Variants in MEAF6 observed in about 807,000 individuals in gnomAD.
MEAF6 encodes chromatin modification-related protein MEAF6.
Under a neutral mutation model 28.9 loss-of-function variants are expected in MEAF6, and 15 were observed. That is an observed-to-expected ratio of 0.52 (90% CI 0.35 to 0.80). MEAF6 has a LOEUF of 0.80. MEAF6 is among the 30% of genes least tolerant of loss of function. MEAF6 has a pLI of 0.01. For synonymous variants in MEAF6, 97 were observed against 88.7 expected (o/e 1.09, Z -0.53); for missense variants, 178 against 237.5 (o/e 0.75, Z 1.65).
At position 37,492,914 on chromosome 1, in the gene MEAF6, C is replaced by G. The variant is rs549206961; in HGVS notation, c.*1185G>C. The G allele has an allele frequency of 2.6e-4, 39 of 152,288 alleles. No individual in the cohort carries two copies. Among genetic ancestry groups the G allele is most frequent in the African/African-American group, 8.7e-4 (36 of 41,574 alleles). The allele number at this position is 152,288 out of a possible 1,614,324, so 9.4% of individuals were successfully genotyped here. ...AATTCCCAATAACTAGGCTGTACCCCAGTCTCTAGGGATGGGATCCAGGCA... is the reference window on the plus strand; with the variant it reads ...AATTCCCAATAACTAGGCTGTACCCGAGTCTCTAGGGATGGGATCCAGGCA... On this transcript the variant is annotated 3_prime_UTR_variant, in exon 7 of 7. Coordinates refer to ENST00000296214, the MANE Select transcript of MEAF6 (RefSeq NM_001270875.3).
chr1:37,495,700 A>C (rs1320850928), intron 6 of MEAF6, among the ~76,000 whole-genome samples, 185 bp downstream of exon 6: 83 of 116,106 alleles, frequency 7.1e-4, no homozygotes, highest in Admixed American at 4.8e-3. Flanking sequence ...AAAAAAACAA[A>C]AAACAAAAAA....
At position 37,509,475 on chromosome 1, in the gene MEAF6, A is replaced by T. The variant is rs1205187979; in HGVS notation, c.274T>A (p.Ser92Thr). The change falls in exon 3 of 7, where the codon TCC becomes ACC. Residue 92 changes from serine (S) to threonine (T), a missense_variant. Ser to Thr is a moderately conservative substitution (Grantham distance 58). Transcript: ENST00000296214. ...CTTACAGCTGCTGAGGTAACCGAGG[A>T]TTTACTGAAGAGCCGCTCAGCTTCC... ...FKEAERLFSK[S>T]SVTSAAAVSA... The T allele has an allele frequency of 1.2e-6, 2 of 1,613,926 alleles. No individual in the cohort carries two copies. Among genetic ancestry groups the T allele is most frequent in the African/African-American group, 2.7e-5 (2 of 74,908 alleles).
intron 4 of MEAF6, among the ~76,000 whole-genome samples, chr1:37,505,925 A>G (rs1261710485): frequency 2.0e-5 from 3 of 152,244 alleles, no homozygotes; most frequent in African/African-American, 7.2e-5. Context: ...CAACATACAC[A>G]AAAATTAACT....
Position 37,490,126 on chromosome 1 carries a change from A to G in MEAF6, c.*3973T>C, listed in dbSNP as rs1000715630. ...AATAAGGCTGAGCCTCAAAATGAAT[A>G]TAAATCAAAGGCCTAATCTTTTCTT... is the stretch of plus-strand genomic sequence containing the variant. On this transcript the variant is annotated 3_prime_UTR_variant, in exon 7 of 7. Coordinates refer to ENST00000296214, the MANE Select transcript of MEAF6 (RefSeq NM_001270875.3). Among the ~76,000 whole-genome samples, 2 of 152,100 alleles carry G rather than the reference A, an allele frequency of 1.3e-5. No homozygotes were observed. The highest frequency in any genetic ancestry group is 2.9e-5 in the Non-Finnish European group (2 of 68,032).
In MEAF6 at chr1:37,489,997, G is replaced by A. The variant is rs1443613278; in HGVS notation, c.*4102C>T. 6.6e-6 allele frequency among the ~76,000 whole-genome samples: 1 copy of A among 152,004 alleles called. No homozygotes were observed. Among genetic ancestry groups the A allele is most frequent in the African/African-American group, 2.4e-5 (1 of 41,352 alleles). On this transcript the variant is annotated 3_prime_UTR_variant, in exon 7 of 7. Coordinates refer to ENST00000296214, the MANE Select transcript of MEAF6 (RefSeq NM_001270875.3). ...AAAACAATTATCAGCAGTTTATTGTGGTTCAACCTTTTATTTATAAATTAA... is the reference window on the plus strand; with the variant it reads ...AAAACAATTATCAGCAGTTTATTGTAGTTCAACCTTTTATTTATAAATTAA...
chr1:37,510,730 A>G (rs916454745), intron 2 of MEAF6, among the ~76,000 whole-genome samples: 2 of 150,968 alleles, frequency 1.3e-5, no homozygotes, highest in African/African-American at 2.4e-5. Context: ...ACTTATTTAT[A>G]TATTTTTTTG....
chr1:37,509,391 G>A, intron 3 of MEAF6, 64 bp downstream of exon 3: 3 of 1,607,310 alleles, frequency 1.9e-6, no homozygotes, highest in Non-Finnish European at 2.6e-6. Context: ...CCAGAGGAAG[G>A]TAAAGAAAAA....
At chr1:37,496,630 G>A (rs867483742) in intron 5 of MEAF6, 4 of 1,548,860 alleles carry the variant, frequency 2.6e-6, no homozygotes, top group African/African-American at 2.8e-5. Context: ...TAAACTATGG[G>A]TTAGAAAGGT....
At chr1:37,514,590 G>A in intron 1 of MEAF6, 67 bp downstream of exon 1, 4 of 1,314,594 alleles carry the variant, frequency 3.0e-6, no homozygotes, top group Non-Finnish European at 4.0e-6. Context: ...GCGCGGCCGG[G>A]CTTGGGGCCT....
chr1:37,493,109 TTCAC>T lies in MEAF6; in HGVS notation c.*986_*989del, dbSNP rs1370456870. The T allele has an allele frequency of 6.6e-6, 1 of 152,232 alleles. No homozygotes were observed. Among genetic ancestry groups the T allele is most frequent in the Non-Finnish European group, 1.5e-5 (1 of 68,048 alleles). 9.4% of individuals were successfully genotyped at this position (152,232 alleles called of 1,614,324 possible). A position where few individuals can be genotyped will look rare whatever the true frequency, so the allele number is the denominator to read the frequency against. ...CACTGGCTCTCACTGATGCTATCCT[TTCAC>T]TCCACTTAAGAACGACATAAGTTAT... On this transcript the variant is annotated 3_prime_UTR_variant, in exon 7 of 7. Transcript: ENST00000296214.
At chr1:37,494,975 CAA>C (rs879634046) in intron 6 of MEAF6, among the ~76,000 whole-genome samples, 3 of 139,398 alleles carry the variant, frequency 2.2e-5, no homozygotes, top group African/African-American at 2.6e-5. Context: ...TTCACCAGTC[CAA>C]AAAAAAAAAG....
rs1642267377 is a variant in MEAF6, at chr1:37,500,560, T to G, written c.533+1244A>C. Among the ~76,000 whole-genome samples the G allele has an allele frequency of 2.6e-5, 4 of 152,342 alleles. No homozygotes were observed. The South Asian group carries it at 8.3e-4, about 32-fold the overall frequency. On this transcript the variant is annotated intron_variant, in intron 5 of 6. Transcript: ENST00000296214. ...GTGACTTCTGGTTTGCAGAAAAATGTTAAGCAGCAGTCCTCAGTCATTATT... is the reference window on the plus strand; with the variant it reads ...GTGACTTCTGGTTTGCAGAAAAATGGTAAGCAGCAGTCCTCAGTCATTATT...
At chr1:37,494,629 G>C (rs539334699) in intron 6 of MEAF6, among the ~76,000 whole-genome samples, 1 of 151,812 alleles carries the variant, frequency 6.6e-6, no homozygotes, top group East Asian at 1.9e-4. Flanking sequence ...TCAGGAGCTC[G>C]AGACCAGCCT....
intron 2 of MEAF6, among the ~76,000 whole-genome samples, chr1:37,512,161 C>G (rs1057112630): frequency 1.2e-4 from 18 of 151,702 alleles, no homozygotes; most frequent in Admixed American, 1.1e-3. Flanking sequence ...AGTTCAGTAA[C>G]TTCATTGTGG....
intron 5 of MEAF6, among the ~76,000 whole-genome samples, chr1:37,498,178 G>T (rs971657832): frequency 1.3e-5 from 2 of 152,164 alleles, no homozygotes; most frequent in Non-Finnish European, 1.5e-5. Context: ...CAAGAGTAAA[G>T]CTGGAAGAAA....
intron 4 of MEAF6, 141 bp from the exon 5 acceptor site, chr1:37,502,137 GATAC>G: frequency 2.0e-6 from 1 of 488,182 alleles, no homozygotes; most frequent in Non-Finnish European, 3.6e-6. Flanking sequence ...TGACAGAGAA[GATAC>G]ATGTTGACAG....
At chr1:37,509,188 A>C in intron 4 of MEAF6, 90 bp downstream of exon 4, 1 of 1,125,872 alleles carries the variant, frequency 8.9e-7, no homozygotes. Context: ...TAAGAAATGC[A>C]GTCCTCAGAT....
chr1:37,513,554 C>A lies in MEAF6; in HGVS notation c.91-16G>T. 6.4e-7 allele frequency: 1 copy of A among 1,573,108 alleles called. No individual in the cohort carries two copies. Among genetic ancestry groups the A allele is most frequent in the Non-Finnish European group, 8.8e-7 (1 of 1,142,532 alleles). On this transcript the variant is annotated splice_polypyrimidine_tract_variant and intron_variant, in intron 1 of 6. Transcript: ENST00000296214. ...CCAATGTTTCCTGAGAGATGAAAAA[C>A]AAGGACATGAATGATACCTTTTAAA...
chr1:37,497,295 G>A (rs1174890636), intron 5 of MEAF6, among the ~76,000 whole-genome samples: 2 of 150,398 alleles, frequency 1.3e-5, no homozygotes, highest in African/African-American at 4.9e-5. Flanking sequence ...TGGAGTGCAG[G>A]GGCGGCGATC....
Sources: allele counts gnomAD v4.1 joint callset (sites outside exome capture counted in the v4.1 genomes callset), GRCh38; gene constraint gnomAD v4.1.1; transcripts MANE v1.5; gene names NCBI Gene and HGNC (gene_info 2026-07-23, HGNC 2026-07-21).